OSBPL10: variants seen among roughly 807,000 people sequenced by gnomAD.
OSBPL10 encodes oxysterol-binding protein-related protein 10.
In OSBPL10, 49 loss-of-function variants were observed where a neutral mutation model predicts 81.7. That is an observed-to-expected ratio of 0.60 (90% CI 0.48 to 0.76). OSBPL10 has a LOEUF of 0.76. OSBPL10 is among the 30% of genes least tolerant of loss of function. The probability of loss-of-function intolerance (pLI) is 0.00; values close to 1 mark genes in which losing one functional copy is unlikely to be tolerated. For missense variants in OSBPL10, 923 were observed against 987.8 expected (o/e 0.93, Z 0.88); for synonymous variants, 419 against 383.6 (o/e 1.09, Z -1.08).
intron 4 of OSBPL10, among the ~76,000 whole-genome samples, chr3:31,808,331 A>T (rs2125466268): frequency 6.6e-6 from 1 of 152,234 alleles, no homozygotes; most frequent in East Asian, 1.9e-4. Context: ...AAAGGCTCAC[A>T]CTGACACTGA....
chr3:31,998,029 G>A (rs1699108577), intron 2 of OSBPL10, among the ~76,000 whole-genome samples: 1 of 152,124 alleles, frequency 6.6e-6, no homozygotes. Context: ...CTGAGCTCAA[G>A]CAGTCCTCCC....
At chr3:31,968,194 C>T (rs1698455831) in intron 1 of OSBPL10, among the ~76,000 whole-genome samples, 1 of 151,952 alleles carries the variant, frequency 6.6e-6, no homozygotes, top group Non-Finnish European at 1.5e-5. Context: ...AAATACTTGA[C>T]ATGGATACAG....
At chr3:31,960,630 T>C (rs757550183) in intron 1 of OSBPL10, among the ~76,000 whole-genome samples, 8 of 152,124 alleles carry the variant, frequency 5.3e-5, no homozygotes, top group Non-Finnish European at 7.4e-5. Context: ...CAAGTAAAAA[T>C]GGAAGTTAAC....
intron 7 of OSBPL10, among the ~76,000 whole-genome samples, chr3:31,686,346 T>G (rs1465238691): frequency 6.6e-6 from 1 of 152,174 alleles, no homozygotes; most frequent in Non-Finnish European, 1.5e-5. Flanking sequence ...CAGAGGAAAC[T>G]AGAAAAAGCC....
chr3:31,783,961 A>T (rs910900642), intron 4 of OSBPL10, among the ~76,000 whole-genome samples: 2 of 150,478 alleles, frequency 1.3e-5, no homozygotes, highest in African/African-American at 4.9e-5. Context: ...CCATTTTTAA[A>T]AACATTCTTC....
chr3:31,838,694 A>G (rs1700422748), intron 3 of OSBPL10, among the ~76,000 whole-genome samples: 1 of 152,078 alleles, frequency 6.6e-6, no homozygotes, highest in Non-Finnish European at 1.5e-5. Flanking sequence ...TCTATGGAAC[A>G]CCATAACTGG....
intron 5 of OSBPL10, among the ~76,000 whole-genome samples, chr3:31,734,019 A>AAG (rs1319794258): frequency 1.3e-5 from 2 of 152,158 alleles, no homozygotes; most frequent in East Asian, 3.9e-4. Context: ...CAAAAAAGAA[A>AAG]AAAAAAATTC....
chr3:31,886,950 A>G (rs531103578), intron 1 of OSBPL10, among the ~76,000 whole-genome samples: 1,710 of 149,588 alleles, frequency 0.011, 36 homozygotes, highest in African/African-American at 0.04. Flanking sequence ...AAAAAAAAAA[A>G]GAAAACCCTT....
chr3:32,071,759 T>C (rs1405328897), intron 1 of OSBPL10, among the ~76,000 whole-genome samples: 1 of 152,240 alleles, frequency 6.6e-6, no homozygotes, highest in Non-Finnish European at 1.5e-5. Context: ...ACTCACTCTT[T>C]GTTGTGTCTC....
rs1419362955 is a variant in OSBPL10 at position 31,664,124 on chromosome 3, G to A, written c.2205C>T (p.Arg735=). 3.1e-6 allele frequency: 5 copies of A among 1,613,786 alleles called. No homozygotes were observed. The highest frequency in any genetic ancestry group is 1.3e-5 in the African/African-American group (1 of 74,854). ...EEKQRVEERK[R]ENLRTPWKPK... is the part of the protein sequence containing the mutation. ...GCTTCCATGGTGTGCGGAGGTTCTC[G>A]CGCTTCCGTTCCTCCACCCGTTGCT... The change falls in exon 11 of 12, where the codon CGC becomes CGT. Residue 735 remains arginine (R), a synonymous_variant. Coordinates refer to ENST00000396556, the MANE Select transcript of OSBPL10 (RefSeq NM_017784.5).
intron 8 of OSBPL10, among the ~76,000 whole-genome samples, chr3:31,674,384 T>C (rs1208181087): frequency 1.3e-5 from 2 of 151,894 alleles, no homozygotes; most frequent in African/African-American, 4.8e-5. Context: ...CGAAGCCTCA[T>C]TTCTATAAAA....
intron 4 of OSBPL10, among the ~76,000 whole-genome samples, chr3:31,799,961 G>A (rs972674143): frequency 1.3e-5 from 2 of 152,156 alleles, no homozygotes; most frequent in Non-Finnish European, 2.9e-5. Context: ...GCCCACCTTG[G>A]CCTCCCAGAG....
chr3:31,670,728 T>G (rs1700302169), intron 9 of OSBPL10, 69 bp downstream of exon 9: 1 of 1,465,822 alleles, frequency 6.8e-7, no homozygotes, highest in South Asian at 1.3e-5. Flanking sequence ...AACTCAGTCT[T>G]CTAATGGTGA....
At chr3:31,747,495 A>T (rs1191053989) in intron 5 of OSBPL10, among the ~76,000 whole-genome samples, 3 of 151,032 alleles carry the variant, frequency 2.0e-5, no homozygotes, top group African/African-American at 7.3e-5. Flanking sequence ...AATAAAAAAA[A>T]AAAAAAAAAA....
chr3:31,851,470 G>A lies in OSBPL10; in HGVS notation c.538-21239C>T, dbSNP rs559376132. The stretch of plus-strand genomic sequence containing the variant: ...CCCACAGCGGGATGAGGGAGGAGGC[G>A]CCGCTGTCGGTCCACACCATGGCAG... On this transcript the variant is annotated intron_variant, in intron 3 of 11. Coordinates refer to ENST00000396556, the MANE Select transcript of OSBPL10 (RefSeq NM_017784.5). Among the ~76,000 whole-genome samples the A allele has an allele frequency of 3.3e-5, 5 of 152,262 alleles. No individual in the cohort carries two copies. The East Asian group carries it at 5.8e-4, about 18-fold the overall frequency.
chr3:31,915,195 CAG>C (rs1049915753), intron 1 of OSBPL10, among the ~76,000 whole-genome samples: 6 of 150,780 alleles, frequency 4.0e-5, no homozygotes, highest in African/African-American at 7.3e-5. Context: ...TGAATGGTAA[CAG>C]GGGGGAAAAA....
chr3:31,835,214 A>AT (rs1700335636), intron 3 of OSBPL10, among the ~76,000 whole-genome samples: 1 of 152,184 alleles, frequency 6.6e-6, no homozygotes, highest in South Asian at 2.1e-4. Context: ...ATGCTCTTAA[A>AT]ATATGATTTC....
chr3:31,664,361 G>C, intron 10 of OSBPL10, 129 bp from the exon 11 acceptor site: 2 of 873,750 alleles, frequency 2.3e-6, no homozygotes, highest in Non-Finnish European at 3.5e-6. Context: ...GCTCATCCCA[G>C]ATACCTCAAA....
At chr3:31,927,499 C>T (rs1345193131) in intron 1 of OSBPL10, among the ~76,000 whole-genome samples, 2 of 152,220 alleles carry the variant, frequency 1.3e-5, no homozygotes, top group Admixed American at 6.5e-5. Flanking sequence ...TCTCTGTCTT[C>T]GTAAACTGAA....
Sources: allele counts gnomAD v4.1 joint callset (sites outside exome capture counted in the v4.1 genomes callset), GRCh38; gene constraint gnomAD v4.1.1; transcripts MANE v1.5; gene names NCBI Gene and HGNC (gene_info 2026-07-23, HGNC 2026-07-21).